The following PCDHGA8 variants were observed in gnomAD, a reference collection of about 807,000 sequenced individuals.
The protein encoded by PCDHGA8 is protocadherin gamma subfamily A, 8.
A neutral mutation model predicts 59.2 loss-of-function variants in PCDHGA8; 45 were observed. The ratio of observed to expected loss-of-function variants is 0.76; its 90% CI spans 0.60 to 0.98. The LOEUF is 0.98. Ranked by LOEUF, PCDHGA8 falls within the 50% of genes least tolerant of loss-of-function variation. The pLI, the probability that PCDHGA8 is intolerant of heterozygous loss-of-function variation, is 0.00. For synonymous variants in PCDHGA8, 531 were observed against 519.0 expected (o/e 1.02, Z -0.32); for missense variants, 1,257 against 1,196.2 (o/e 1.05, Z -0.75).
Position 141,421,742 on chromosome 5 carries a change from A to G in PCDHGA8, c.2424+26505A>G, listed in dbSNP as rs772984365. The stretch of plus-strand genomic sequence containing the variant: ...GGCGTGAACTCCCTCCAGAGCTACC[A>G]GCTCAGCCCTAATAATTACTTTTCC... On this transcript the variant is annotated intron_variant, in intron 1 of 3. Transcript: ENST00000398604. The G allele has an allele frequency of 4.3e-6, 7 of 1,613,826 alleles. No individual in the cohort carries two copies. The East Asian group carries it at 1.3e-4, about 31-fold the overall frequency.
rs747671382 is a variant in PCDHGA8, at chr5:141,444,152, A to ATTTT, written c.2424+48948_2424+48951dup. Among the ~76,000 whole-genome samples the ATTTT allele has an allele frequency of 5.0e-4, 17 of 33,898 alleles. 5 individuals carry two copies. Among genetic ancestry groups the ATTTT allele is most frequent in the African/African-American group, 7.0e-4 (5 of 7,184 alleles). 22.2% of individuals were successfully genotyped at this position (33,898 alleles called of 152,430 possible). ...GATATGTGTCACTTGTGTGTACTGG[A>ATTTT]TTTTTTTTTTTTTTTTTTTTTTTTT... On this transcript the variant is annotated intron_variant, in intron 1 of 3. Transcript: ENST00000398604.
At chr5:141,406,043 A>G (rs1346440934) in intron 1 of PCDHGA8, among the ~76,000 whole-genome samples, 3 of 150,174 alleles carry the variant, frequency 2.0e-5, no homozygotes, top group East Asian at 3.9e-4. Context: ...CATTGGTTGC[A>G]GTGGACTCAT....
chr5:141,450,251 C>T (rs2154563018), intron 1 of PCDHGA8, among the ~76,000 whole-genome samples: 1 of 152,200 alleles, frequency 6.6e-6, no homozygotes. Context: ...CTCCTGACCT[C>T]AAGTGATCTG....
Position 141,490,924 on chromosome 5 carries a change from C to G in PCDHGA8, c.2425-3883C>G, listed in dbSNP as rs1469202824. The G allele has an allele frequency of 1.9e-6, 3 of 1,613,562 alleles. No individual in the cohort carries two copies. The highest frequency in any genetic ancestry group is 2.5e-6 in the Non-Finnish European group (3 of 1,179,702). ...TGTCCTAGACGAGAATGATAATGCC[C>G]CAGCTGTGCTGCACCCACGGCCAGA... On this transcript the variant is annotated intron_variant, in intron 1 of 3. Transcript: ENST00000398604. The surrounding 1 kb of genome is among the most constrained non-coding windows in gnomAD (Gnocchi z 5.4).
At chr5:141,405,441 A>G (rs1049992632) in intron 1 of PCDHGA8, 1 of 1,376,552 alleles carries the variant, frequency 7.3e-7, no homozygotes, top group Non-Finnish European at 1.0e-6. Context: ...TGTTTTTGAG[A>G]CAGAGTCTTA....
chr5:141,398,360 G>A, intron 1 of PCDHGA8: 1 of 1,413,656 alleles, frequency 7.1e-7, no homozygotes, highest in Non-Finnish European at 9.8e-7. Flanking sequence ...TTCACCGTGA[G>A]CGCAGAGAGC....
chr5:141,491,932 G>A lies in PCDHGA8; in HGVS notation c.2425-2875G>A. Reference sequence around the variant, plus strand: ...GGCGACTGTGGGCGAGGGGAGGTGGGACCGACCCCCACCCCTACACTCAAA... The same window carrying A: ...GGCGACTGTGGGCGAGGGGAGGTGGAACCGACCCCCACCCCTACACTCAAA... On this transcript the variant is annotated intron_variant, in intron 1 of 3. Transcript: ENST00000398604. This position sits in a 1 kb window ranked among gnomAD's most constrained non-coding sequence, Gnocchi z 6.9. 1 of 1,259,014 alleles carries A rather than the reference G, an allele frequency of 7.9e-7. No homozygotes were observed. The highest frequency in any genetic ancestry group is 1.1e-6 in the Non-Finnish European group (1 of 926,048). The allele number at this position is 1,259,014 out of a possible 1,614,324, so 78.0% of individuals were successfully genotyped here. A position where few individuals can be genotyped will look rare whatever the true frequency, so the allele number is the denominator to read the frequency against.
At chr5:141,478,920 C>A (rs559060283) in intron 1 of PCDHGA8, 1 of 728,392 alleles carries the variant, frequency 1.4e-6, no homozygotes. Context: ...ATACCTCTAA[C>A]CAGTGGCAGC....
In PCDHGA8 at chr5:141,487,161, T is replaced by C; in HGVS notation, c.2425-7646T>C. Reference sequence around the variant, plus strand: ...CTCTCTACCTCTGTTACTCTCTTAGTGTCCTTAGAGGAAGACACTCATCCA... The same window carrying C: ...CTCTCTACCTCTGTTACTCTCTTAGCGTCCTTAGAGGAAGACACTCATCCA... On this transcript the variant is annotated intron_variant, in intron 1 of 3. Coordinates refer to ENST00000398604, the MANE Select transcript of PCDHGA8 (RefSeq NM_032088.2). This position sits in a 1 kb window ranked among gnomAD's most constrained non-coding sequence, Gnocchi z 5.0. 6.2e-7 allele frequency: 1 copy of C among 1,613,528 alleles called. No homozygotes were observed.
At chr5:141,400,740 G>T in intron 1 of PCDHGA8, 1 of 616,766 alleles carries the variant, frequency 1.6e-6, no homozygotes, top group Non-Finnish European at 2.8e-6. Context: ...GTGAGAGTTT[G>T]CTCTTAGCTT....
At chr5:141,479,798 G>A (rs892288776) in intron 1 of PCDHGA8, among the ~76,000 whole-genome samples, 3 of 152,116 alleles carry the variant, frequency 2.0e-5, no homozygotes, top group African/African-American at 7.2e-5. Flanking sequence ...ATTAATTCAG[G>A]GTGGTATGCA....
At chr5:141,478,444 T>C (rs1190996745) in intron 1 of PCDHGA8, 1 of 1,613,478 alleles carries the variant, frequency 6.2e-7, no homozygotes, top group Non-Finnish European at 8.5e-7. Flanking sequence ...TGAAGAAACC[T>C]GGTGCAGCCA....
intron 1 of PCDHGA8, among the ~76,000 whole-genome samples, chr5:141,480,753 G>A (rs1418880497): frequency 1.3e-5 from 2 of 152,144 alleles, no homozygotes; most frequent in Non-Finnish European, 2.9e-5. Flanking sequence ...ATCATTTTTT[G>A]AAGGTCCCCA....
intron 1 of PCDHGA8, chr5:141,423,382 C>A (rs1244632347): frequency 6.2e-7 from 1 of 1,614,118 alleles, no homozygotes; most frequent in Admixed American, 1.7e-5. Context: ...CAGGCTGTGG[C>A]GCTGGCATAA....
At chr5:141,458,787 C>A (rs968490647) in intron 1 of PCDHGA8, among the ~76,000 whole-genome samples, 1 of 152,004 alleles carries the variant, frequency 6.6e-6, no homozygotes, top group African/African-American at 2.4e-5. Flanking sequence ...GGCTGGAGTG[C>A]AGTGGTGTGA....
intron 1 of PCDHGA8, chr5:141,408,627 T>A: frequency 6.2e-7 from 1 of 1,613,916 alleles, no homozygotes; most frequent in Admixed American, 1.7e-5. Flanking sequence ...CATTTAGAAA[T>A]TTTCGAATCT....
intron 1 of PCDHGA8, chr5:141,410,538 T>TG (rs768720792): frequency 8.1e-6 from 13 of 1,613,830 alleles, no homozygotes; most frequent in Non-Finnish European, 1.1e-5. Flanking sequence ...AATGAAGACA[T>TG]GGTTTGCAGT....
chr5:141,409,018 G>A (rs369210340), intron 1 of PCDHGA8: 31 of 1,613,814 alleles, frequency 1.9e-5, no homozygotes, highest in Non-Finnish European at 2.5e-5. Context: ...AGGATGAGGG[G>A]GTCAATGCTG....
At chr5:141,410,302 A>G (rs1332359508) in intron 1 of PCDHGA8, 1 of 1,613,356 alleles carries the variant, frequency 6.2e-7, no homozygotes, top group Non-Finnish European at 8.5e-7. Context: ...CCTTAATCTC[A>G]GTGCTCTTCC....
Sources: allele counts gnomAD v4.1 joint callset (sites outside exome capture counted in the v4.1 genomes callset), GRCh38; gene constraint gnomAD v4.1.1; non-coding constraint Gnocchi (gnomAD v3.1); transcripts MANE v1.5; gene names NCBI Gene and HGNC (gene_info 2026-07-23, HGNC 2026-07-21).